The following CHN2 variants were observed in gnomAD, a reference collection of about 807,000 sequenced individuals.
The protein encoded by CHN2 is beta-chimaerin.
CHN2 carries 35 observed loss-of-function variants against 56.3 expected under a neutral mutation model. The observed-to-expected ratio is 0.62, with a 90% CI of 0.47 to 0.82. The LOEUF (loss-of-function observed/expected upper bound fraction) is 0.82. Among genes scored for constraint, CHN2 ranks in the 40% least tolerant of loss-of-function variants. The pLI, the probability that CHN2 is intolerant of heterozygous loss-of-function variation, is 0.00. For synonymous variants in CHN2, 210 were observed against 212.8 expected (o/e 0.99, Z 0.12); for missense variants, 491 against 580.5 (o/e 0.85, Z 1.58).
chr7:29,496,240 AAAG>A (rs1416003717), intron 8 of CHN2, among the ~76,000 whole-genome samples: 2 of 146,222 alleles, frequency 1.4e-5, no homozygotes, highest in Admixed American at 1.3e-4. Flanking sequence ...TTATGCAAGA[AAAG>A]AAAAAAAAAA....
At chr7:29,374,406 C>T (rs1254062309) in intron 3 of CHN2, among the ~76,000 whole-genome samples, 1 of 151,494 alleles carries the variant, frequency 6.6e-6, no homozygotes, top group Non-Finnish European at 1.5e-5. Flanking sequence ...TTTTTAAAAA[C>T]AAAAAACTTT....
intron 1 of CHN2, among the ~76,000 whole-genome samples, chr7:29,325,938 G>C (rs1309193054): frequency 1.3e-5 from 2 of 152,176 alleles, no homozygotes; most frequent in African/African-American, 4.8e-5. Flanking sequence ...AATAGACTCT[G>C]AGACCTCTGT....
intron 1 of CHN2, among the ~76,000 whole-genome samples, chr7:29,312,390 G>A (rs997869254): frequency 6.6e-6 from 1 of 152,048 alleles, no homozygotes; most frequent in African/African-American, 2.4e-5. Flanking sequence ...AACTCATCAA[G>A]CACAATGTGA....
chr7:29,485,588 A>C (rs1787874646), intron 7 of CHN2, among the ~76,000 whole-genome samples: 1 of 152,224 alleles, frequency 6.6e-6, no homozygotes, highest in Admixed American at 6.5e-5. Flanking sequence ...GTAGATAAAT[A>C]GATCAAGGAT....
chr7:29,262,670 T>G (rs748064225), intron 1 of CHN2, among the ~76,000 whole-genome samples: 1 of 152,228 alleles, frequency 6.6e-6, no homozygotes, highest in Non-Finnish European at 1.5e-5. Flanking sequence ...GGTGTAGACT[T>G]TCAGTTTTGC....
At chr7:29,157,856 G>A (rs1052028181) in intron 2 of CHN2, among the ~76,000 whole-genome samples, 4 of 152,142 alleles carry the variant, frequency 2.6e-5, no homozygotes, top group African/African-American at 9.7e-5. Context: ...ATCCTTCTAT[G>A]TAGATTATTA....
chr7:29,279,933 A>C (rs1791547672), intron 1 of CHN2, among the ~76,000 whole-genome samples: 1 of 152,194 alleles, frequency 6.6e-6, no homozygotes, highest in African/African-American at 2.4e-5. Flanking sequence ...GAAAAGAAGC[A>C]GGGGTCCTAG....
At chr7:29,511,798 A>AAACTT (rs1340101275) in intron 12 of CHN2, among the ~76,000 whole-genome samples, 1 of 151,366 alleles carries the variant, frequency 6.6e-6, no homozygotes, top group African/African-American at 2.4e-5. Flanking sequence ...GAACATTCTA[A>AAACTT]AACTTAAAGT....
At chr7:29,374,840 CCTTCCTTCCTG>C (rs1391887116) in intron 3 of CHN2, among the ~76,000 whole-genome samples, 7 of 150,098 alleles carry the variant, frequency 4.7e-5, no homozygotes, top group African/African-American at 1.5e-4. Context: ...TTCCTTCCTT[CCTTCCTTCCTG>C]CCTCCCTCCC....
At chr7:29,496,745 G>A (rs1407810017) in intron 8 of CHN2, among the ~76,000 whole-genome samples, 7 of 152,192 alleles carry the variant, frequency 4.6e-5, no homozygotes, top group Admixed American at 6.5e-5. Context: ...ATTGCTAACA[G>A]CATACATCTT....
intron 1 of CHN2, among the ~76,000 whole-genome samples, chr7:29,204,065 CTCTGTGTGTG>C (rs1479741022): frequency 0.018 from 2,515 of 135,988 alleles, 67 homozygotes; most frequent in African/African-American, 0.057. Context: ...TTTTCTCTCT[CTCTGTGTGTG>C]TGTGTGTGTG....
intron 1 of CHN2, among the ~76,000 whole-genome samples, chr7:29,278,659 C>G (rs1430690471): frequency 6.6e-6 from 1 of 152,196 alleles, no homozygotes; most frequent in Admixed American, 6.5e-5. Flanking sequence ...GCTGCAGGCT[C>G]CACAGGGTTG....
At chr7:29,351,617 G>A (rs546488986) in intron 1 of CHN2, among the ~76,000 whole-genome samples, 18 of 152,216 alleles carry the variant, frequency 1.2e-4, no homozygotes, top group Non-Finnish European at 2.5e-4. Flanking sequence ...GAGCCAGTGA[G>A]CCATGCAGCG....
upstream of CHN2, chr7:29,193,268 T>G (rs1322518994): frequency 3.3e-5 from 5 of 152,162 alleles, no homozygotes; most frequent in African/African-American, 1.2e-4. Flanking sequence ...ATTTTTTTTT[T>G]TAAGTTCTAA....
At chr7:29,297,470 G>A (rs1195201542) in intron 1 of CHN2, among the ~76,000 whole-genome samples, 1 of 152,200 alleles carries the variant, frequency 6.6e-6, no homozygotes, top group East Asian at 1.9e-4. Flanking sequence ...CCGGAAGAAG[G>A]GGCCATCAGC....
At chr7:29,449,031 C>T (rs1173666975) in intron 6 of CHN2, among the ~76,000 whole-genome samples, 1 of 152,216 alleles carries the variant, frequency 6.6e-6, no homozygotes, top group African/African-American at 2.4e-5. Context: ...ACCAAGTCAG[C>T]TCATGGACAT....
At chr7:29,430,639 G>A (rs867179422) in intron 6 of CHN2, among the ~76,000 whole-genome samples, 16 of 152,042 alleles carry the variant, frequency 1.1e-4, no homozygotes, top group African/African-American at 2.9e-4. Context: ...GTCTGTTTAC[G>A]CATCAGAGTA....
chr7:29,500,737 G>A (rs1789874058), intron 9 of CHN2, among the ~76,000 whole-genome samples: 1 of 152,150 alleles, frequency 6.6e-6, no homozygotes, highest in South Asian at 2.1e-4. Flanking sequence ...AAATTGTTGA[G>A]TAACACATAC....
intron 1 of CHN2, among the ~76,000 whole-genome samples, chr7:29,269,753 G>A (rs1790463872): frequency 1.3e-5 from 2 of 152,196 alleles, no homozygotes; most frequent in East Asian, 3.8e-4. Flanking sequence ...AAATCAAAAG[G>A]ACTGAGGATG....
Sources: allele counts gnomAD v4.1 joint callset (sites outside exome capture counted in the v4.1 genomes callset), GRCh38; gene constraint gnomAD v4.1.1; transcripts MANE v1.5; gene names NCBI Gene and HGNC (gene_info 2026-07-23, HGNC 2026-07-21).